Variants in WWOX observed in about 807,000 individuals in gnomAD.
WWOX encodes WW domain-containing oxidoreductase.
In WWOX, 69 loss-of-function variants were observed where a neutral mutation model predicts 46.2. That is an observed-to-expected ratio of 1.49 (90% CI 1.23 to 1.82). WWOX has a LOEUF of 1.82. WWOX is among the 40% of genes most tolerant of loss of function. The pLI is 0.00. For missense variants in WWOX, 919 were observed against 542.6 expected, an observed-to-expected ratio of 1.69 and a Z score of -6.89; for synonymous variants, 359 against 202.6, an observed-to-expected ratio of 1.77 and a Z score of -6.56.
chr16:78,487,016 G>A (rs953626814), intron 8 of WWOX, among the ~76,000 whole-genome samples: 3 of 152,116 alleles, frequency 2.0e-5, no homozygotes, highest in African/African-American at 7.2e-5. Context: ...AAGTGTCCTC[G>A]ACAGCGAGCA....
At chr16:78,545,816 G>C (rs1351826001) in intron 8 of WWOX, among the ~76,000 whole-genome samples, 1 of 152,152 alleles carries the variant, frequency 6.6e-6, no homozygotes, top group Non-Finnish European at 1.5e-5. Flanking sequence ...CCGCCTTCTT[G>C]CTCTGTCCTC....
chr16:78,281,751 G>T (rs2079682682), intron 5 of WWOX, among the ~76,000 whole-genome samples: 1 of 151,908 alleles, frequency 6.6e-6, no homozygotes, highest in South Asian at 2.1e-4. Flanking sequence ...ATTTAAAAAT[G>T]TGAAGCATTT....
At chr16:78,461,139 A>T (rs1209723504) in intron 8 of WWOX, among the ~76,000 whole-genome samples, 2 of 152,326 alleles carry the variant, frequency 1.3e-5, no homozygotes, top group African/African-American at 4.8e-5. Flanking sequence ...TTCTGACTTG[A>T]TGAAAATGAA....
At chr16:78,620,111 C>T (rs2046140964) in intron 8 of WWOX, among the ~76,000 whole-genome samples, 4 of 152,228 alleles carry the variant, frequency 2.6e-5, no homozygotes, top group South Asian at 2.1e-4. Flanking sequence ...ATTTGGCACA[C>T]AGTTGATGAG....
intron 5 of WWOX, among the ~76,000 whole-genome samples, chr16:78,305,569 C>G (rs115266697): frequency 0.015 from 2,326 of 152,142 alleles, 56 homozygotes; most frequent in African/African-American, 0.053. Flanking sequence ...AGACCATTCC[C>G]GTTCCAGTCA....
At chr16:78,243,046 C>T (rs1296332855) in intron 5 of WWOX, among the ~76,000 whole-genome samples, 1 of 151,712 alleles carries the variant, frequency 6.6e-6, no homozygotes, top group African/African-American at 2.4e-5. Flanking sequence ...GTGAGCCTTC[C>T]CTTCCCTCTC....
chr16:78,450,354 G>T (rs1597102195), intron 8 of WWOX, among the ~76,000 whole-genome samples: 1 of 152,180 alleles, frequency 6.6e-6, no homozygotes, highest in African/African-American at 2.4e-5. Flanking sequence ...AGAATGTATG[G>T]TGTTTGTTCA....
At chr16:79,052,017 CT>C (rs1217377682) in intron 8 of WWOX, among the ~76,000 whole-genome samples, 3 of 141,924 alleles carry the variant, frequency 2.1e-5, no homozygotes, top group African/African-American at 8.0e-5. Context: ...GCCTTTGCCT[CT>C]TTTTTCTTTT....
At chr16:79,015,710 A>G (rs905186156) in intron 8 of WWOX, among the ~76,000 whole-genome samples, 3 of 152,118 alleles carry the variant, frequency 2.0e-5, no homozygotes, top group Non-Finnish European at 4.4e-5. Flanking sequence ...CTTTTCCAAA[A>G]TGGGCTGTTT....
intron 8 of WWOX, among the ~76,000 whole-genome samples, chr16:78,742,652 G>A (rs150610897): frequency 2.6e-5 from 4 of 152,304 alleles, no homozygotes; most frequent in Non-Finnish European, 4.4e-5. Flanking sequence ...CTCACTCGGG[G>A]CTAAAACTGT....
At chr16:78,705,372 C>G (rs958254758) in intron 8 of WWOX, among the ~76,000 whole-genome samples, 2 of 152,156 alleles carry the variant, frequency 1.3e-5, no homozygotes, top group Non-Finnish European at 2.9e-5. Context: ...ATAAGAGAGT[C>G]AAAGGGACTT....
intron 8 of WWOX, among the ~76,000 whole-genome samples, chr16:78,687,375 C>T (rs1384562358): frequency 2.0e-5 from 3 of 152,176 alleles, no homozygotes; most frequent in African/African-American, 4.8e-5. Context: ...ATGCGAAAGT[C>T]CTTCATTTTC....
chr16:78,974,599 T>G (rs1168356179), intron 8 of WWOX, among the ~76,000 whole-genome samples: 1 of 152,260 alleles, frequency 6.6e-6, no homozygotes, highest in African/African-American at 2.4e-5. Flanking sequence ...TTTTGTTTTT[T>G]ATTTAGCACA....
At chr16:78,181,193 C>CAGAGAGAGACAGAAGGAGAG in intron 5 of WWOX, among the ~76,000 whole-genome samples, 1 of 152,032 alleles carries the variant, frequency 6.6e-6, no homozygotes, top group East Asian at 1.9e-4. Flanking sequence ...GACAGAAAGA[C>CAGAGAGAGACAGAAGGAGAG]AGAGAGAGAC....
chr16:79,210,909 G>A (rs1237435137), intron 8 of WWOX, among the ~76,000 whole-genome samples: 1 of 152,132 alleles, frequency 6.6e-6, no homozygotes, highest in Non-Finnish European at 1.5e-5. Flanking sequence ...GGGAGGAAAT[G>A]TACCCCCTTA....
intron 8 of WWOX, among the ~76,000 whole-genome samples, chr16:79,207,275 G>A (rs909890625): frequency 2.6e-5 from 4 of 152,240 alleles, no homozygotes; most frequent in African/African-American, 9.6e-5. Context: ...TATTTGCTTT[G>A]TCCAACAGAC....
chr16:78,123,143 T>TA (rs958145395), intron 4 of WWOX: 1 of 152,174 alleles, frequency 6.6e-6, no homozygotes, highest in East Asian at 1.9e-4. Flanking sequence ...TGAAGACTGT[T>TA]ACTAGTGTCG....
chr16:78,894,020 T>TTTATTATTATTATTATTATTATTA lies in WWOX; in HGVS notation c.1057-317580_1057-317557dup, dbSNP rs6145911. ...TAGAGTAATGTCTTTTATTGAGGCT[T>TTTATTATTATTATTATTATTATTA]TTATTATTATTATTATTATTATTAT... is the stretch of plus-strand genomic sequence containing the variant. On this transcript the variant is annotated intron_variant, in intron 8 of 8. Coordinates refer to ENST00000566780, the MANE Select transcript of WWOX (RefSeq NM_016373.4). 2.9e-3 allele frequency among the ~76,000 whole-genome samples: 410 copies of TTTATTATTATTATTATTATTATTA among 140,064 alleles called. 3 individuals are homozygous for TTTATTATTATTATTATTATTATTA. Among genetic ancestry groups the TTTATTATTATTATTATTATTATTA allele is most frequent in the South Asian group, 3.8e-3 (16 of 4,192 alleles). 91.9% of individuals were successfully genotyped at this position (140,064 alleles called of 152,430 possible).
intron 8 of WWOX, among the ~76,000 whole-genome samples, chr16:78,538,000 A>G (rs1210333204): frequency 6.6e-6 from 1 of 152,060 alleles, no homozygotes; most frequent in Non-Finnish European, 1.5e-5. Flanking sequence ...CGATTCTTGA[A>G]AACGGAAAAG....
Sources: gnomAD v4.1 joint callset for allele counts (sites outside exome capture counted in the v4.1 genomes callset) on GRCh38, gnomAD v4.1.1 for gene constraint, MANE v1.5 for transcripts, NCBI Gene and HGNC (gene_info 2026-07-23, HGNC 2026-07-21) for gene names.